SLC4A5: variants seen among roughly 807,000 people sequenced by gnomAD.
SLC4A5 encodes the protein electrogenic sodium bicarbonate cotransporter 4.
In SLC4A5, 96 loss-of-function variants were observed where a neutral mutation model predicts 120.4. The observed-to-expected ratio is 0.80, with a 90% CI of 0.68 to 0.94. SLC4A5 has a LOEUF of 0.94. SLC4A5 is among the 40% of genes least tolerant of loss of function. The pLI is 0.00. For missense variants in SLC4A5, 1,259 were observed against 1,459.5 expected (o/e 0.86, Z 2.24); for synonymous variants, 550 against 571.1 (o/e 0.96, Z 0.53).
rs569068893 is a variant in SLC4A5, at chr2:74,222,722, A to G, written c.3331+146T>C. ...CCGTGGAAAAACTATCTTGCACAAA[A>G]CTTGTCCCTTATGACAAAAAAGTTG... On this transcript the variant is annotated intron_variant, in intron 29 of 30. Coordinates refer to ENST00000394019, the Ensembl canonical transcript of SLC4A5. The G allele has an allele frequency of 8.4e-6, 6 of 710,736 alleles. No individual in the cohort carries two copies. The East Asian group carries it at 1.6e-4, about 19-fold the overall frequency. The allele number at this position is 710,736 out of a possible 1,614,324, so 44.0% of individuals were successfully genotyped here.
chr2:74,250,084 G>A (rs1420739286), intron 17 of SLC4A5, among the ~76,000 whole-genome samples: 1 of 152,196 alleles, frequency 6.6e-6, no homozygotes, highest in Non-Finnish European at 1.5e-5. Flanking sequence ...AAATAACACA[G>A]CAGATGATTC....
At chr2:74,225,658 A>C (rs1694816989) in intron 27 of SLC4A5, among the ~76,000 whole-genome samples, 1 of 152,166 alleles carries the variant, frequency 6.6e-6, no homozygotes, top group Admixed American at 6.5e-5. Flanking sequence ...CAGGACCTGG[A>C]GGGCTTGTTA....
chr2:74,266,016 C>A (rs1324391133), intron 8 of SLC4A5, among the ~76,000 whole-genome samples: 2 of 152,170 alleles, frequency 1.3e-5, no homozygotes, highest in African/African-American at 4.8e-5. Flanking sequence ...TAGCTCCAAT[C>A]TATTGCAACT....
At chr2:74,245,695 G>A (rs192845421) in intron 19 of SLC4A5, among the ~76,000 whole-genome samples, 1 of 152,284 alleles carries the variant, frequency 6.6e-6, no homozygotes, top group East Asian at 1.9e-4. Flanking sequence ...GAGAGAAGGG[G>A]TTATAATCAA....
At chr2:74,325,973 G>A (rs76266594) in intron 5 of SLC4A5, among the ~76,000 whole-genome samples, 140 of 151,684 alleles carry the variant, frequency 9.2e-4, no homozygotes, top group East Asian at 5.1e-3. Context: ...GGAGAAAGAC[G>A]AAAGAGAAAT....
chr2:74,225,246 C>T (rs544313243), intron 27 of SLC4A5, among the ~76,000 whole-genome samples: 5 of 152,204 alleles, frequency 3.3e-5, no homozygotes, highest in Admixed American at 6.5e-5. Flanking sequence ...CTGTGACAGC[C>T]GAAGTGGGGA....
chr2:74,252,098 T>G, intron 16 of SLC4A5, 81 bp downstream of exon 16: 2 of 1,476,452 alleles, frequency 1.4e-6, no homozygotes, highest in South Asian at 2.5e-5. Flanking sequence ...CAGACCATGG[T>G]TGGGAAAAGT....
chr2:74,247,055 C>T (rs750664918), exon 19 of SLC4A5: 3 of 1,614,100 alleles, frequency 1.9e-6, no homozygotes, highest in East Asian at 2.2e-5. Context: ...GGGCGACACA[C>T]TCGCACTTGT....
intron 8 of SLC4A5, among the ~76,000 whole-genome samples, chr2:74,278,835 T>C (rs1436663224): frequency 6.6e-6 from 1 of 152,208 alleles, no homozygotes; most frequent in Non-Finnish European, 1.5e-5. Flanking sequence ...TAAATCTCCA[T>C]GTGTGACTCC....
At chr2:74,332,245 A>G (rs1339647975) in intron 4 of SLC4A5, among the ~76,000 whole-genome samples, 1 of 152,266 alleles carries the variant, frequency 6.6e-6, no homozygotes, top group East Asian at 1.9e-4. Context: ...ACTGGGTTGG[A>G]CTCAAGGATC....
chr2:74,229,579 T>C (rs556792843), intron 25 of SLC4A5, among the ~76,000 whole-genome samples: 51 of 152,208 alleles, frequency 3.4e-4, no homozygotes, highest in Admixed American at 3.3e-3. Context: ...TTAATGCAAA[T>C]ACTTGTATGT....
intron 9 of SLC4A5, among the ~76,000 whole-genome samples, 190 bp from the exon 10 acceptor site, chr2:74,264,489 C>CGT (rs59538523): frequency 0.057 from 8,190 of 143,614 alleles, 484 homozygotes; most frequent in African/African-American, 0.15. Flanking sequence ...TTCAAGGGCA[C>CGT]GTGTGTGTGT....
At chr2:74,282,398 C>G (rs921078044) in intron 8 of SLC4A5, among the ~76,000 whole-genome samples, 11 of 152,242 alleles carry the variant, frequency 7.2e-5, no homozygotes, top group Admixed American at 7.2e-4. Context: ...ACCACTTTAA[C>G]TTCTAGTCAT....
In SLC4A5 at chr2:74,248,393, G is replaced by A. The variant is rs1359078948; in HGVS notation, c.1747C>T (p.Pro583Ser). 3 of 1,614,090 alleles carry A rather than the reference G, an allele frequency of 1.9e-6. No individual in the cohort carries two copies. The African/African-American group carries it at 4.0e-5, about 22-fold the overall frequency. Residue 583 changes from proline to serine, a missense_variant, in exon 18 of 31, where the codon CCC becomes TCC. Coordinates refer to ENST00000394019, the Ensembl canonical transcript of SLC4A5. ...AGGAGCTTCTCAAAGATGAGGATGG[G>A]CCCCGTGCTGCTGAGAATGATGAGA...
chr2:74,305,721 CTT>C (rs35627197), intron 6 of SLC4A5, among the ~76,000 whole-genome samples: 431 of 115,286 alleles, frequency 3.7e-3, no homozygotes, highest in African/African-American at 0.017. Context: ...CTTTTCTTTC[CTT>C]TTTTTTTTTT....
chr2:74,268,920 T>C (rs907745674), intron 8 of SLC4A5, among the ~76,000 whole-genome samples: 1 of 152,236 alleles, frequency 6.6e-6, no homozygotes, highest in African/African-American at 2.4e-5. Flanking sequence ...TCCATACATT[T>C]ATTTGAGACA....
chr2:74,321,357 G>A lies in SLC4A5; in HGVS notation c.-2-6332C>T, dbSNP rs989835594. On this transcript the variant is annotated intron_variant, in intron 5 of 30. Coordinates refer to ENST00000394019, the Ensembl canonical transcript of SLC4A5. The stretch of plus-strand genomic sequence containing the variant: ...AACCTGAGGAAGGAGTCCCTTCCTA[G>A]ATAAAGCATTTTCAGAAGAAAGCCT... Among the ~76,000 whole-genome samples the A allele has an allele frequency of 2.6e-5, 4 of 152,176 alleles. No homozygotes were observed. In the East Asian group the frequency reaches 7.7e-4, roughly 29 times the overall value.
intron 8 of SLC4A5, among the ~76,000 whole-genome samples, chr2:74,270,590 G>A (rs1418008480): frequency 1.3e-5 from 2 of 152,170 alleles, no homozygotes; most frequent in Non-Finnish European, 2.9e-5. Flanking sequence ...GGAGAATGGC[G>A]TGAACCCGGG....
intron 7 of SLC4A5, chr2:74,290,098 C>T (rs1225814895): frequency 1.0e-6 from 1 of 975,888 alleles, no homozygotes. Context: ...GCATGCTACT[C>T]CTTGGGCCCC....
Sources: allele counts gnomAD v4.1 joint callset (sites outside exome capture counted in the v4.1 genomes callset), GRCh38; gene constraint gnomAD v4.1.1; transcripts MANE v1.5; gene names NCBI Gene and HGNC (gene_info 2026-07-23, HGNC 2026-07-21).